Variants in EHBP1 observed in about 807,000 individuals in gnomAD.
The protein encoded by EHBP1 is EH domain-binding protein 1.
In EHBP1, 55 loss-of-function variants were observed where a neutral mutation model predicts 144.0. The observed-to-expected ratio is 0.38, with a 90% confidence interval of 0.31 to 0.48. The LOEUF (loss-of-function observed/expected upper bound fraction) is 0.48. Ranked by LOEUF, EHBP1 falls within the 20% of genes least tolerant of loss-of-function variation. EHBP1 has a pLI of 0.98. For missense variants in EHBP1, 1,200 were observed against 1,364.2 expected, an observed-to-expected ratio of 0.88 and a Z score of 1.90; for synonymous variants, 469 against 472.7, an observed-to-expected ratio of 0.99 and a Z score of 0.10.
chr2:62,694,039 A>G (rs539961739), intron 1 of EHBP1, among the ~76,000 whole-genome samples: 1 of 152,144 alleles, frequency 6.6e-6, no homozygotes, highest in Non-Finnish European at 1.5e-5. Context: ...TTCTTCTAAC[A>G]GTTTTATAGT....
intron 1 of EHBP1, among the ~76,000 whole-genome samples, chr2:62,699,511 A>C (rs1041976820): frequency 5.9e-5 from 9 of 152,218 alleles, no homozygotes; most frequent in Non-Finnish European, 1.0e-4. Context: ...CTTGACATAC[A>C]CATTTGTGGA....
At chr2:62,938,186 T>C (rs1033920417) in intron 10 of EHBP1, among the ~76,000 whole-genome samples, 1 of 152,206 alleles carries the variant, frequency 6.6e-6, no homozygotes, top group East Asian at 1.9e-4. Context: ...TTTGAACACA[T>C]TGAGTTTGAA....
intron 10 of EHBP1, among the ~76,000 whole-genome samples, chr2:62,899,087 A>G (rs773533078): frequency 1.3e-5 from 2 of 152,206 alleles, no homozygotes; most frequent in Non-Finnish European, 2.9e-5. Flanking sequence ...AATGGCCCTT[A>G]AACTTTCAAA....
chr2:63,022,069 G>A (rs923151606), intron 19 of EHBP1, among the ~76,000 whole-genome samples: 6 of 151,718 alleles, frequency 4.0e-5, no homozygotes, highest in African/African-American at 1.4e-4. Flanking sequence ...CCCGGCATTC[G>A]AAACATTTTT....
At chr2:62,875,448 A>G (rs1430514070) in intron 10 of EHBP1, among the ~76,000 whole-genome samples, 1 of 152,218 alleles carries the variant, frequency 6.6e-6, no homozygotes, top group Non-Finnish European at 1.5e-5. Flanking sequence ...ACCATAGTCA[A>G]ACCTTCAATG....
Position 62,771,328 on chromosome 2 carries a change from T to G in EHBP1, c.259-11T>G, listed in dbSNP as rs756565681. ...ATTTCAATTCCATTTCATATTTTGC[T>G]TTTGTTACAGGATCCTCATGCGGAA... On this transcript the variant is annotated splice_polypyrimidine_tract_variant and intron_variant, in intron 4 of 22. Coordinates refer to ENST00000431489, the MANE Select transcript of EHBP1 (RefSeq NM_001142616.3). 1 of 1,590,350 alleles carries G rather than the reference T, an allele frequency of 6.3e-7. No individual in the cohort carries two copies. The highest frequency in any genetic ancestry group is 2.3e-5 in the East Asian group (1 of 43,716).
At chr2:62,991,385 G>T (rs1428448568) in intron 16 of EHBP1, among the ~76,000 whole-genome samples, 1 of 151,992 alleles carries the variant, frequency 6.6e-6, no homozygotes, top group African/African-American at 2.4e-5. Context: ...AAAAATAGAG[G>T]CAATATGGAA....
intron 7 of EHBP1, among the ~76,000 whole-genome samples, chr2:62,847,004 G>C (rs1024883974): frequency 6.6e-6 from 1 of 152,116 alleles, no homozygotes; most frequent in African/African-American, 2.4e-5. Flanking sequence ...TATATTTGGG[G>C]ATGCAAAGTA....
In EHBP1 at chr2:62,839,351, A is replaced by G. The variant is rs1188746259; in HGVS notation, c.634+8193A>G. On this transcript the variant is annotated intron_variant, in intron 7 of 22. Coordinates refer to ENST00000431489, the MANE Select transcript of EHBP1 (RefSeq NM_001142616.3). ...TTGATGGGACGTATTTCAAAATAAT[A>G]AGAGCTATCTATGACAAACCCACAG... Among the ~76,000 whole-genome samples the G allele has an allele frequency of 3.0e-4, 42 of 140,252 alleles. No individual in the cohort carries two copies. The East Asian group carries it at 8.8e-3, about 29-fold the overall frequency. 92.0% of individuals were successfully genotyped at this position (140,252 alleles called of 152,430 possible). A position where few individuals can be genotyped will look rare whatever the true frequency, so the allele number is the denominator to read the frequency against.
chr2:62,884,916 T>A (rs921724540), intron 10 of EHBP1, among the ~76,000 whole-genome samples: 4 of 152,212 alleles, frequency 2.6e-5, no homozygotes, highest in African/African-American at 9.6e-5. Context: ...AACATTTCTG[T>A]TAAAATTATT....
chr2:62,882,649 G>GAGGC (rs973785392), intron 10 of EHBP1, among the ~76,000 whole-genome samples: 1 of 152,146 alleles, frequency 6.6e-6, no homozygotes, highest in African/African-American at 2.4e-5. Flanking sequence ...TTGGGAGGCC[G>GAGGC]AGGCAGGCAG....
At chr2:62,819,655 T>G (rs748241879) in intron 5 of EHBP1, among the ~76,000 whole-genome samples, 3 of 151,558 alleles carry the variant, frequency 2.0e-5, no homozygotes, top group Non-Finnish European at 2.9e-5. Context: ...TCCCAGCTAC[T>G]TGGGAGACTG....
At chr2:62,894,306 G>A (rs2152923711) in intron 10 of EHBP1, among the ~76,000 whole-genome samples, 1 of 152,294 alleles carries the variant, frequency 6.6e-6, no homozygotes, top group Non-Finnish European at 1.5e-5. Flanking sequence ...TGTGCCATAA[G>A]AGCATTAATG....
Position 62,831,172 on chromosome 2 carries a change from G to A in EHBP1, c.634+14G>A, listed in dbSNP as rs752995178. 4 of 1,576,616 alleles carry A rather than the reference G, an allele frequency of 2.5e-6. No homozygotes were observed. Among genetic ancestry groups the A allele is most frequent in the East Asian group, 4.7e-5 (2 of 42,296 alleles). ...CTAAAATTACAGGTTGGTTTTATTA[G>A]CATTAAACTAAAAGTTTATCTTTTG... On this transcript the variant is annotated intron_variant, in intron 7 of 22. Transcript: ENST00000431489.
intron 19 of EHBP1, among the ~76,000 whole-genome samples, chr2:63,003,057 A>T (rs948134249): frequency 1.9e-4 from 29 of 152,034 alleles, no homozygotes; most frequent in African/African-American, 5.6e-4. Flanking sequence ...ATGATTTTTT[A>T]AAAATGTTTT....
At chr2:62,997,094 G>GA (rs1044492220) in intron 19 of EHBP1, among the ~76,000 whole-genome samples, 2 of 151,650 alleles carry the variant, frequency 1.3e-5, no homozygotes, top group African/African-American at 2.4e-5. Flanking sequence ...ATTCATTGGG[G>GA]AAAAAAAAGA....
intron 7 of EHBP1, 38 bp downstream of exon 7, chr2:62,831,196 T>G: frequency 2.6e-6 from 4 of 1,551,522 alleles, no homozygotes; most frequent in Non-Finnish European, 2.6e-6. Flanking sequence ...GTTTATCTTT[T>G]GTTGCAGAGT....
intron 5 of EHBP1, among the ~76,000 whole-genome samples, chr2:62,773,902 A>G (rs1183014568): frequency 1.3e-5 from 2 of 148,182 alleles, no homozygotes; most frequent in Admixed American, 6.7e-5. Flanking sequence ...GAGAAGAATA[A>G]CGTGAGTAAC....
chr2:62,756,596 C>G (rs2040303805), intron 3 of EHBP1, among the ~76,000 whole-genome samples: 1 of 151,918 alleles, frequency 6.6e-6, no homozygotes, highest in South Asian at 2.1e-4. Context: ...ATGGTGAAAC[C>G]TCATCTCTAC....
Sources: allele counts gnomAD v4.1 joint callset (sites outside exome capture counted in the v4.1 genomes callset), GRCh38; gene constraint gnomAD v4.1.1; transcripts MANE v1.5; gene names NCBI Gene and HGNC (gene_info 2026-07-23, HGNC 2026-07-21).